Variants in LDAH observed in about 807,000 individuals in gnomAD.
The protein encoded by LDAH is lipid droplet-associated hydrolase.
In LDAH, 26 loss-of-function variants were observed where a neutral mutation model predicts 29.6. The observed-to-expected ratio is 0.88, with a 90% CI of 0.64 to 1.22. The LOEUF (loss-of-function observed/expected upper bound fraction) is 1.22. LDAH is among the 50% of genes most tolerant of loss of function. The pLI, the probability that LDAH is intolerant of heterozygous loss-of-function variation, is 0.00. For synonymous variants in LDAH, 117 were observed against 133.0 expected (o/e 0.88, Z 0.83); for missense variants, 344 against 387.3 (o/e 0.89, Z 0.94).
At chr2:20,777,765 A>T (rs1669923911) in intron 3 of LDAH, among the ~76,000 whole-genome samples, 1 of 152,188 alleles carries the variant, frequency 6.6e-6, no homozygotes, top group Non-Finnish European at 1.5e-5. Flanking sequence ...TACTAGCAGA[A>T]AATGAAATGT....
At chr2:20,784,624 C>T (rs1203544451) in intron 3 of LDAH, among the ~76,000 whole-genome samples, 2 of 152,140 alleles carry the variant, frequency 1.3e-5, no homozygotes, top group East Asian at 3.9e-4. Flanking sequence ...GTGGCTCATG[C>T]CTGTAATCCC....
At chr2:20,730,422 T>C (rs1438737062) in intron 5 of LDAH, among the ~76,000 whole-genome samples, 4 of 152,188 alleles carry the variant, frequency 2.6e-5, no homozygotes, top group Non-Finnish European at 5.9e-5. Flanking sequence ...TTTTACATTA[T>C]CAGCAGCAAT....
At chr2:20,793,149 T>G (rs1671085451) in intron 2 of LDAH, among the ~76,000 whole-genome samples, 1 of 152,066 alleles carries the variant, frequency 6.6e-6, no homozygotes, top group Admixed American at 6.5e-5. Context: ...AAAAGACAGA[T>G]GAGGGCCTTT....
chr2:20,782,316 T>C (rs1436147172), intron 3 of LDAH, among the ~76,000 whole-genome samples: 3 of 152,226 alleles, frequency 2.0e-5, no homozygotes, highest in Non-Finnish European at 4.4e-5. Context: ...TGTTTTCAAC[T>C]TTCAAAGTTG....
chr2:20,776,470 T>C (rs754593789), intron 3 of LDAH, among the ~76,000 whole-genome samples: 1 of 152,202 alleles, frequency 6.6e-6, no homozygotes, highest in African/African-American at 2.4e-5. Flanking sequence ...AAGTCCAGCA[T>C]ACAGTTATTG....
chr2:20,747,459 C>G (rs888213885), intron 4 of LDAH, among the ~76,000 whole-genome samples: 1 of 152,122 alleles, frequency 6.6e-6, no homozygotes, highest in Non-Finnish European at 1.5e-5. Context: ...ATGTCTTAGC[C>G]AACATGCAAT....
Position 20,715,184 on chromosome 2 carries a change from G to A in LDAH, c.704-13532C>T, listed in dbSNP as rs533439910. On this transcript the variant is annotated intron_variant, in intron 5 of 6. Transcript: ENST00000237822. ...GCACATCAAAAAGCTTATCCTCCAC[G>A]ATCAAGTTGGCTTCATCCCTGGGAC... Among the ~76,000 whole-genome samples, 3 of 152,286 alleles carry A rather than the reference G, an allele frequency of 2.0e-5. No homozygotes were observed. In the South Asian group the frequency reaches 6.2e-4, roughly 32 times the overall value.
downstream of LDAH, among the ~76,000 whole-genome samples, chr2:20,682,739 T>A (rs973389723): frequency 2.0e-5 from 3 of 152,180 alleles, no homozygotes; most frequent in Non-Finnish European, 2.9e-5. Flanking sequence ...CACCTCCCAA[T>A]AGTTGCATTG....
rs191524717 is a variant in LDAH at position 20,753,104 on chromosome 2, C to A, written c.469-12899G>T. Among the ~76,000 whole-genome samples, 100 of 152,260 alleles carry A rather than the reference C, an allele frequency of 6.6e-4. 1 individual carries two copies. Among genetic ancestry groups the A allele is most frequent in the Middle Eastern group, 6.8e-3 (2 of 294 alleles). ...TCTAGTTTCACTGTACAGTAACAGC[C>A]CATGTTTCCAGTGTAATATAATAAT... On this transcript the variant is annotated intron_variant, in intron 4 of 6. Coordinates refer to ENST00000237822, the MANE Select transcript of LDAH (RefSeq NM_021925.4).
intron 4 of LDAH, among the ~76,000 whole-genome samples, chr2:20,765,037 C>G (rs72784365): frequency 0.11 from 16,547 of 152,096 alleles, 1,010 homozygotes; most frequent in Middle Eastern, 0.17. Context: ...AAAGGAGAAC[C>G]AAATATGTAA....
rs1572663933 is a variant in LDAH, at chr2:20,802,011, T to C, written c.-2-546A>G. On this transcript the variant is annotated intron_variant, in intron 1 of 6. Coordinates refer to ENST00000237822, the MANE Select transcript of LDAH (RefSeq NM_021925.4). ...ATATGTGTGTATATATATGTATATA[T>C]ACATATACATACATATCCACACATA... is the stretch of plus-strand genomic sequence containing the variant. 4.6e-5 allele frequency among the ~76,000 whole-genome samples: 7 copies of C among 151,572 alleles called. No individual in the cohort carries two copies. The South Asian group carries it at 1.5e-3, about 32-fold the overall frequency.
chr2:20,766,745 C>T (rs1048461675), intron 4 of LDAH, among the ~76,000 whole-genome samples: 16 of 152,228 alleles, frequency 1.1e-4, no homozygotes, highest in African/African-American at 3.6e-4. Flanking sequence ...CTGATGGCAG[C>T]AGGGGGCTAT....
chr2:20,758,930 T>C (rs986938459), intron 4 of LDAH, among the ~76,000 whole-genome samples: 1 of 152,254 alleles, frequency 6.6e-6, no homozygotes, highest in African/African-American at 2.4e-5. Flanking sequence ...GGTACCCAGA[T>C]AACCAGAATA....
chr2:20,738,438 A>G (rs2149438668), intron 5 of LDAH, among the ~76,000 whole-genome samples: 1 of 151,762 alleles, frequency 6.6e-6, no homozygotes, highest in South Asian at 2.1e-4. Context: ...TACTTTGTCT[A>G]TGGAGGAGCT....
At chr2:20,761,636 G>A (rs1356015499) in intron 4 of LDAH, among the ~76,000 whole-genome samples, 1 of 152,128 alleles carries the variant, frequency 6.6e-6, no homozygotes, top group African/African-American at 2.4e-5. Flanking sequence ...AAGAAGGACT[G>A]CACTGAACTT....
At chr2:20,799,257 A>G (rs1264973614) in intron 2 of LDAH, among the ~76,000 whole-genome samples, 1 of 152,176 alleles carries the variant, frequency 6.6e-6, no homozygotes, top group African/African-American at 2.4e-5. Flanking sequence ...AAGAATGTGG[A>G]ATAAATATCA....
chr2:20,719,690 T>C (rs1282508245), intron 5 of LDAH, among the ~76,000 whole-genome samples: 1 of 152,026 alleles, frequency 6.6e-6, no homozygotes, highest in Non-Finnish European at 1.5e-5. Context: ...CACAGGCCAA[T>C]ATAACTGATG....
chr2:20,795,937 GA>G (rs1671272790), intron 2 of LDAH, among the ~76,000 whole-genome samples: 1 of 128,258 alleles, frequency 7.8e-6, no homozygotes, highest in Non-Finnish European at 1.6e-5. Context: ...TAGCTCCCCC[GA>G]AACCTGCCAC....
At chr2:20,758,489 A>C (rs1027398667) in intron 4 of LDAH, among the ~76,000 whole-genome samples, 7 of 152,256 alleles carry the variant, frequency 4.6e-5, no homozygotes, top group Non-Finnish European at 7.3e-5. Context: ...AAATATCTAG[A>C]ACGAGGCAGG....
Sources: gnomAD v4.1 joint callset for allele counts (sites outside exome capture counted in the v4.1 genomes callset) on GRCh38, gnomAD v4.1.1 for gene constraint, MANE v1.5 for transcripts, NCBI Gene and HGNC (gene_info 2026-07-23, HGNC 2026-07-21) for gene names.